PRKCE: variants seen among roughly 807,000 people sequenced by gnomAD.
PRKCE encodes protein kinase C epsilon type.
Under a neutral mutation model 85.4 loss-of-function variants are expected in PRKCE, and 16 were observed. The ratio of observed to expected loss-of-function variants is 0.19; its 90% CI spans 0.13 to 0.28. The LOEUF (loss-of-function observed/expected upper bound fraction) is 0.28, where lower values mean the gene tolerates loss of function less well. Among genes scored for constraint, PRKCE ranks in the 10% least tolerant of loss-of-function variants. The pLI, the probability that PRKCE is intolerant of heterozygous loss-of-function variation, is 1.00. For missense variants in PRKCE, 573 were observed against 975.2 expected, an observed-to-expected ratio of 0.59 and a Z score of 5.49; for synonymous variants, 388 against 371.5, an observed-to-expected ratio of 1.04 and a Z score of -0.51.
intron 2 of PRKCE, among the ~76,000 whole-genome samples, chr2:45,898,994 G>A (rs4952790): frequency 0.35 from 52,985 of 152,110 alleles, 9,866 homozygotes; most frequent in East Asian, 0.53. Flanking sequence ...ATTGTTTCAG[G>A]ACTTACATGT....
chr2:45,703,288 A>C (rs1049243948), intron 1 of PRKCE, among the ~76,000 whole-genome samples: 2 of 152,030 alleles, frequency 1.3e-5, no homozygotes, highest in East Asian at 3.9e-4. Flanking sequence ...TATTCCTAGC[A>C]CTTTGGGAGC....
chr2:45,862,597 T>C (rs938473165), intron 2 of PRKCE, among the ~76,000 whole-genome samples: 8 of 152,218 alleles, frequency 5.3e-5, no homozygotes, highest in Non-Finnish European at 8.8e-5. Context: ...TCTGTGTCCC[T>C]GGAGCTGGGC....
chr2:45,672,921 G>A (rs1272500167), intron 1 of PRKCE, among the ~76,000 whole-genome samples: 1 of 152,150 alleles, frequency 6.6e-6, no homozygotes, highest in Non-Finnish European at 1.5e-5. Context: ...AGCTGCTCCA[G>A]GAGGCTGAGG....
rs1208439114 is a variant in PRKCE, at chr2:46,138,496, A to G, written c.1593-6597A>G. Among the ~76,000 whole-genome samples, 2 of 152,140 alleles carry G rather than the reference A, an allele frequency of 1.3e-5. No homozygotes were observed. The highest frequency in any genetic ancestry group is 2.9e-5 in the Non-Finnish European group (2 of 68,020). On this transcript the variant is annotated intron_variant, in intron 11 of 14. Coordinates refer to ENST00000306156, the MANE Select transcript of PRKCE (RefSeq NM_005400.3). This position sits in a 1 kb window ranked among gnomAD's most constrained non-coding sequence, Gnocchi z 4.2. ...CAGGGTTGGTAGAGTCAGGATTCCC[A>G]TCTCCTAGGAATAAAATGGCAGAGG...
intron 1 of PRKCE, among the ~76,000 whole-genome samples, chr2:45,699,809 G>A (rs1354705784): frequency 1.3e-5 from 2 of 152,206 alleles, no homozygotes; most frequent in African/African-American, 4.8e-5. Context: ...GTGGGCTGAT[G>A]CGGGAGGTGT....
intron 1 of PRKCE, among the ~76,000 whole-genome samples, chr2:45,841,385 G>T (rs1392629362): frequency 6.6e-6 from 1 of 152,216 alleles, no homozygotes; most frequent in African/African-American, 2.4e-5. Context: ...CAAACCACTG[G>T]TGTAAGTCCA....
chr2:46,118,839 G>A (rs2881260), intron 11 of PRKCE, among the ~76,000 whole-genome samples: 117,391 of 152,060 alleles, frequency 0.77, 45,451 homozygotes, highest in East Asian at 0.97. Context: ...CAGAGCAATG[G>A]CCCCAGGGAG....
At chr2:45,797,880 G>A (rs1462833956) in intron 1 of PRKCE, among the ~76,000 whole-genome samples, 3 of 152,208 alleles carry the variant, frequency 2.0e-5, no homozygotes, top group Non-Finnish European at 2.9e-5. Context: ...ATGGAACTCT[G>A]GTATTTAGCT....
intron 10 of PRKCE, among the ~76,000 whole-genome samples, chr2:46,043,871 C>G (rs1708361496): frequency 6.6e-6 from 1 of 152,160 alleles, no homozygotes; most frequent in Non-Finnish European, 1.5e-5. Flanking sequence ...GTTTAGGAGT[C>G]TCCTATTTAT....
At chr2:45,739,744 G>T (rs1472111696) in intron 1 of PRKCE, among the ~76,000 whole-genome samples, 1 of 152,054 alleles carries the variant, frequency 6.6e-6, no homozygotes, top group East Asian at 1.9e-4. Context: ...TTTGAGGCAT[G>T]AACTGTTTAG....
intron 11 of PRKCE, among the ~76,000 whole-genome samples, chr2:46,110,169 G>A (rs1261925242): frequency 1.3e-5 from 2 of 152,096 alleles, no homozygotes; most frequent in African/African-American, 4.8e-5. Context: ...TAATATCTTT[G>A]TCTGGTTTTA....
chr2:45,740,029 G>A (rs1682419868), intron 1 of PRKCE, among the ~76,000 whole-genome samples: 1 of 151,908 alleles, frequency 6.6e-6, no homozygotes, highest in Admixed American at 6.6e-5. Context: ...AGAATAATTG[G>A]CTGTCAGCCA....
intron 2 of PRKCE, among the ~76,000 whole-genome samples, chr2:45,946,402 G>A (rs1288339920): frequency 1.3e-5 from 2 of 152,198 alleles, no homozygotes; most frequent in Non-Finnish European, 2.9e-5. Flanking sequence ...GGGATGTGCT[G>A]GCTCAGCTCT....
intron 1 of PRKCE, among the ~76,000 whole-genome samples, chr2:45,693,404 T>C (rs1005414801): frequency 2.6e-5 from 4 of 152,150 alleles, no homozygotes; most frequent in African/African-American, 9.7e-5. Context: ...GGCAGTGTGA[T>C]GGTTGGAACC....
chr2:45,765,098 G>A (rs192066830), intron 1 of PRKCE, among the ~76,000 whole-genome samples: 13 of 152,268 alleles, frequency 8.5e-5, no homozygotes, highest in Middle Eastern at 3.4e-3. Flanking sequence ...CTTGTTTTCA[G>A]CAAATCTTCA....
intron 1 of PRKCE, among the ~76,000 whole-genome samples, chr2:45,737,447 C>T (rs966562872): frequency 4.6e-5 from 7 of 152,208 alleles, no homozygotes; most frequent in Non-Finnish European, 8.8e-5. Flanking sequence ...AGCCTTTGTG[C>T]GGGTGGGAAC....
At chr2:45,805,683 G>A (rs367606462) in intron 1 of PRKCE, among the ~76,000 whole-genome samples, 4 of 149,026 alleles carry the variant, frequency 2.7e-5, no homozygotes, top group East Asian at 2.0e-4. Context: ...TGCAACCTCC[G>A]CCTCCCGGGT....
intron 10 of PRKCE, among the ~76,000 whole-genome samples, chr2:46,016,511 G>A (rs1706160426): frequency 6.6e-6 from 1 of 152,094 alleles, no homozygotes; most frequent in Non-Finnish European, 1.5e-5. Context: ...TGTGTCCCAG[G>A]GGCAGAGAAG....
rs182743046 is a variant in PRKCE at position 46,182,565 on chromosome 2, C to A, written c.2068-2170C>A. Among the ~76,000 whole-genome samples the A allele has an allele frequency of 1.3e-4, 20 of 152,302 alleles. No homozygotes were observed. The East Asian group carries it at 3.7e-3, about 28-fold the overall frequency. ...CCCTTGGGTTTTCTGTGTGTCCCCC[C>A]CTTCCCCCTTCCAAGGTCTCTGAGA... On this transcript the variant is annotated intron_variant, in intron 14 of 14. Transcript: ENST00000306156.
Sources: allele counts gnomAD v4.1 joint callset (sites outside exome capture counted in the v4.1 genomes callset), GRCh38; gene constraint gnomAD v4.1.1; non-coding constraint Gnocchi (gnomAD v3.1); transcripts MANE v1.5; gene names NCBI Gene and HGNC (gene_info 2026-07-23, HGNC 2026-07-21).